TLE3: variants seen among roughly 807,000 people sequenced by gnomAD.
The protein encoded by TLE3 is TLE family member 3, transcriptional corepressor.
TLE3 carries 14 observed loss-of-function variants against 93.0 expected under a neutral mutation model. The observed-to-expected ratio is 0.15, with a 90% CI of 0.10 to 0.24. The LOEUF (loss-of-function observed/expected upper bound fraction) is 0.24, where lower values mean the gene tolerates loss of function less well. Ranked by LOEUF, TLE3 falls within the 10% of genes least tolerant of loss-of-function variation. The pLI is 1.00. For missense variants in TLE3, 693 were observed against 1,046.6 expected (o/e 0.66, Z 4.66); for synonymous variants, 451 against 425.0 (o/e 1.06, Z -0.75).
At chr15:70,061,257 T>TA (rs200116177) in intron 8 of TLE3, among the ~76,000 whole-genome samples, 105 of 151,186 alleles carry the variant, frequency 6.9e-4, no homozygotes, top group African/African-American at 2.6e-3. Context: ...ACCAGGGTTG[T>TA]AAAAAAAACA....
At chr15:70,079,450 C>T (rs1389674236) in intron 4 of TLE3, 1 of 449,780 alleles carries the variant, frequency 2.2e-6, no homozygotes, top group South Asian at 1.6e-5. Flanking sequence ...TAAACCCAGC[C>T]CCTCCCCTGG....
At chr15:70,053,556 T>C in intron 16 of TLE3, 182 bp from the exon 17 acceptor site, 1 of 623,052 alleles carries the variant, frequency 1.6e-6, no homozygotes, top group South Asian at 3.1e-5. Context: ...TCCAGGCCTC[T>C]TTCCAGTTCC....
chr15:70,096,759 A>C lies in TLE3; in HGVS notation c.24+16T>G. On this transcript the variant is annotated intron_variant, in intron 1 of 19. Coordinates refer to ENST00000451782, the MANE Select transcript of TLE3 (RefSeq NM_001105192.3). ...CCATGATAGATGCTTAAATAAACCG[A>C]GTTGCAATTACTCACCGGATGTCTG... 6.2e-7 allele frequency: 1 copy of C among 1,613,146 alleles called. No individual in the cohort carries two copies. The highest frequency in any genetic ancestry group is 8.5e-7 in the Non-Finnish European group (1 of 1,179,572).
Position 70,097,104 on chromosome 15 carries a change from C to A in TLE3, c.-306G>T. On this transcript the variant is annotated 5_prime_UTR_variant, in exon 1 of 20. Transcript: ENST00000451782. ...GCCGCCTTCCCTGGGCTGCGTCGAG[C>A]GCGTCAATGCCTGGGACTGCGCGGA... The A allele has an allele frequency of 2.1e-6, 1 of 465,590 alleles. No homozygotes were observed. The highest frequency in any genetic ancestry group is 3.7e-6 in the Non-Finnish European group (1 of 270,586). The allele number at this position is 465,590 out of a possible 1,614,324, so 28.8% of individuals were successfully genotyped here.
intron 17 of TLE3, 147 bp from the exon 18 acceptor site, chr15:70,052,671 T>A: frequency 1.3e-6 from 1 of 780,102 alleles, no homozygotes; most frequent in Non-Finnish European, 1.9e-6. Context: ...GAGGTCATTT[T>A]CCATCCCCAT....
chr15:70,049,858 T>TTGTTCAGG lies in TLE3; in HGVS notation c.*231_*238dup. The TTGTTCAGG allele has an allele frequency of 2.3e-6, 1 of 441,718 alleles. No homozygotes were observed. Among genetic ancestry groups the TTGTTCAGG allele is most frequent in the South Asian group, 3.1e-5 (1 of 32,042 alleles). The allele number at this position is 441,718 out of a possible 1,614,324, so 27.4% of individuals were successfully genotyped here. On this transcript the variant is annotated 3_prime_UTR_variant, in exon 20 of 20. Transcript: ENST00000451782. Reference sequence around the variant, plus strand: ...AATCTATTTGTAGCAACTGCCAGCATTGTTCAGGGGGAGGAGGAGGAGCAG... The same window carrying TTGTTCAGG: ...AATCTATTTGTAGCAACTGCCAGCATTGTTCAGGTGTTCAGGGGGAGGAGGAGGAGCAG...
At position 70,094,582 on chromosome 15, in the gene TLE3, A is replaced by G. The variant is rs2058459948; in HGVS notation, c.190-6T>C. 1.3e-6 allele frequency: 2 copies of G among 1,547,758 alleles called. No individual in the cohort carries two copies. The highest frequency in any genetic ancestry group is 2.4e-5 in the South Asian group (2 of 82,322). On this transcript the variant is annotated splice_region_variant and splice_polypyrimidine_tract_variant and intron_variant, in intron 3 of 19. Coordinates refer to ENST00000451782, the MANE Select transcript of TLE3 (RefSeq NM_001105192.3). ...CCATAGGACATCTCATAGTACTAAAAGTAAAAAGAATGGCTATTAACAGAC... is the reference window on the plus strand; with the variant it reads ...CCATAGGACATCTCATAGTACTAAAGGTAAAAAGAATGGCTATTAACAGAC...
intron 6 of TLE3, chr15:70,067,012 G>A: frequency 4.6e-6 from 1 of 219,026 alleles, no homozygotes; most frequent in Non-Finnish European, 1.0e-5. Context: ...ATGGCGCACA[G>A]CTACTAAGCC....
chr15:70,082,599 C>A (rs1404428172), intron 4 of TLE3, among the ~76,000 whole-genome samples: 1 of 152,186 alleles, frequency 6.6e-6, no homozygotes, highest in Non-Finnish European at 1.5e-5. Flanking sequence ...AACTACAACG[C>A]CATTAAATAT....
At position 70,058,112 on chromosome 15, in the gene TLE3, CT is replaced by C; in HGVS notation, c.1051+46del. 6.2e-7 allele frequency: 1 copy of C among 1,613,246 alleles called. No individual in the cohort carries two copies. Among genetic ancestry groups the C allele is most frequent in the South Asian group, 1.1e-5 (1 of 90,912 alleles). On this transcript the variant is annotated intron_variant, in intron 12 of 19. Coordinates refer to ENST00000451782, the MANE Select transcript of TLE3 (RefSeq NM_001105192.3). This position sits in a 1 kb window ranked among gnomAD's most constrained non-coding sequence, Gnocchi z 4.1. Reference sequence around the variant, plus strand: ...CCTGCCCTGGCCAAGAGCAGACCCCCTCCCCCCAATCAGATTAACCCAGCCC... The same window carrying C: ...CCTGCCCTGGCCAAGAGCAGACCCCCCCCCCCAATCAGATTAACCCAGCCC...
chr15:70,075,406 G>A (rs906392928), intron 5 of TLE3, among the ~76,000 whole-genome samples: 2 of 152,202 alleles, frequency 1.3e-5, no homozygotes, highest in Non-Finnish European at 2.9e-5. Flanking sequence ...CTCTCCTACT[G>A]GGCTGCAAGC....
chr15:70,051,369 G>A, intron 19 of TLE3, 22 bp downstream of exon 19: 3 of 1,593,070 alleles, frequency 1.9e-6, no homozygotes, highest in Non-Finnish European at 2.6e-6. Context: ...ACCCAGAGGA[G>A]GACTCAGACG....
chr15:70,054,675 T>C lies in TLE3; in HGVS notation c.1589A>G (p.Asn530Ser), dbSNP rs1163512148. 4 of 1,595,942 alleles carry C rather than the reference T, an allele frequency of 2.5e-6. No homozygotes were observed. In the African/African-American group the frequency reaches 4.0e-5, roughly 16 times the overall value. ...GAGCAGCTTGCAGGAGCGGATGTAA[T>C]TGTCCCTGTTCTGGAGGGAGAAGGG... ...ISQLDCLNRDNYIRSCKLLPD... is the reference protein window; with the variant it reads ...ISQLDCLNRDSYIRSCKLLPD... The change falls in exon 16 of 20, where the codon AAT (asparagine) becomes AGT (serine). Residue 530 changes from asparagine (N) to serine (S), a missense_variant. Asn to Ser is a conservative substitution (Grantham distance 46). This residue lies in a region of TLE3 where 153 missense variants were observed against 379.9 expected (regional missense o/e 0.40). Coordinates refer to ENST00000451782, the MANE Select transcript of TLE3 (RefSeq NM_001105192.3).
At chr15:70,096,427 CAT>C in intron 1 of TLE3, 166 bp from the exon 2 acceptor site, 1 of 1,294,354 alleles carries the variant, frequency 7.7e-7, no homozygotes, top group Non-Finnish European at 1.0e-6. Flanking sequence ...GGGGGCGCCC[CAT>C]CTCTCCCCGT....
chr15:70,072,214 C>T (rs1354309544), intron 6 of TLE3, among the ~76,000 whole-genome samples: 1 of 152,200 alleles, frequency 6.6e-6, no homozygotes, highest in African/African-American at 2.4e-5. Flanking sequence ...TTGTAGCTTC[C>T]TGAATACTAC....
intron 4 of TLE3, among the ~76,000 whole-genome samples, chr15:70,077,960 C>G (rs1385982359): frequency 6.6e-6 from 1 of 152,206 alleles, no homozygotes; most frequent in African/African-American, 2.4e-5. Flanking sequence ...AGCCAGGACA[C>G]CATACATCAG....
chr15:70,095,320 C>CTTAA lies in TLE3; in HGVS notation c.189+257_189+258insTTAA, dbSNP rs2058499943. 6 of 1,384,206 alleles carry CTTAA rather than the reference C, an allele frequency of 4.3e-6. No individual in the cohort carries two copies. The South Asian group carries it at 9.5e-5, about 22-fold the overall frequency. 85.7% of individuals were successfully genotyped at this position (1,384,206 alleles called of 1,614,324 possible). ...AAACTTTCAAAACACAAATTAAAGG[C>CTTAA]ACATAAAGATAGTACAGAAGTCTCC... On this transcript the variant is annotated intron_variant, in intron 3 of 19. Transcript: ENST00000451782.
intron 19 of TLE3, 189 bp from the exon 20 acceptor site, chr15:70,050,393 A>C: frequency 1.9e-6 from 1 of 526,628 alleles, no homozygotes; most frequent in Non-Finnish European, 3.4e-6. Context: ...GCTTTAAAGC[A>C]CCCATGAAGC....
intron 7 of TLE3, 148 bp from the exon 8 acceptor site, chr15:70,064,618 G>T: frequency 8.7e-7 from 1 of 1,148,504 alleles, no homozygotes; most frequent in Non-Finnish European, 1.2e-6. Context: ...GGCCTGGATT[G>T]CTGTCTCCGT....
Sources: allele counts gnomAD v4.1 joint callset (sites outside exome capture counted in the v4.1 genomes callset), GRCh38; gene constraint gnomAD v4.1.1; regional missense constraint gnomAD v4.1.1; non-coding constraint Gnocchi (gnomAD v3.1); transcripts MANE v1.5; gene names NCBI Gene and HGNC (gene_info 2026-07-23, HGNC 2026-07-21).